Variants in MYO16 observed in about 807,000 individuals in gnomAD.
MYO16 encodes unconventional myosin-XVI.
A neutral mutation model predicts 205.3 loss-of-function variants in MYO16; 94 were observed. That is an observed-to-expected ratio of 0.46 (90% CI 0.39 to 0.54). The LOEUF (loss-of-function observed/expected upper bound fraction) is 0.54. MYO16 is among the 20% of genes least tolerant of loss of function. The pLI is 0.00. For missense variants in MYO16, 2,315 were observed against 2,387.5 expected (o/e 0.97, Z 0.63); for synonymous variants, 988 against 954.0 (o/e 1.04, Z -0.66).
chr13:108,889,479 G>A (rs570776195), intron 14 of MYO16, among the ~76,000 whole-genome samples: 2 of 152,294 alleles, frequency 1.3e-5, no homozygotes, highest in Admixed American at 6.5e-5. Context: ...TAAAAGGTTT[G>A]TTCAGACCAT....
At chr13:108,987,544 G>A (rs74121929) in intron 20 of MYO16, among the ~76,000 whole-genome samples, 17,692 of 152,260 alleles carry the variant, frequency 0.12, 1,112 homozygotes, top group East Asian at 0.2. Flanking sequence ...GTTGGTGAAT[G>A]CCATAGCATA....
At chr13:108,977,164 C>A (rs1884293053) in intron 20 of MYO16, among the ~76,000 whole-genome samples, 1 of 152,108 alleles carries the variant, frequency 6.6e-6, no homozygotes, top group Non-Finnish European at 1.5e-5. Flanking sequence ...TTGCTAAGTT[C>A]ATATGGTTTT....
At chr13:108,927,951 C>T (rs1882084893) in intron 16 of MYO16, among the ~76,000 whole-genome samples, 1 of 152,230 alleles carries the variant, frequency 6.6e-6, no homozygotes, top group Non-Finnish European at 1.5e-5. Context: ...TCCACCAGTT[C>T]AGTAAAGGGG....
intron 27 of MYO16, among the ~76,000 whole-genome samples, chr13:109,086,018 A>AAT (rs905618645): frequency 1.0e-3 from 157 of 152,362 alleles, no homozygotes; most frequent in African/African-American, 3.8e-3. Flanking sequence ...GACTAGAGAA[A>AAT]ATATGTTAAA....
rs536027284 is a variant in MYO16, at chr13:108,693,283, G to A, written c.293-19378G>A. On this transcript the variant is annotated intron_variant, in intron 2 of 34. Transcript: ENST00000457511. The stretch of plus-strand genomic sequence containing the variant: ...ACCATTTTGAAGTGTATAATTCAGT[G>A]GCATTACTACATGGAGAATGTTGTG... Among the ~76,000 whole-genome samples the A allele has an allele frequency of 9.9e-5, 15 of 152,190 alleles. No individual in the cohort carries two copies. In the South Asian group the frequency reaches 2.9e-3, roughly 29 times the overall value.
chr13:109,194,408 C>A (rs1362224451), intron 34 of MYO16, among the ~76,000 whole-genome samples: 3 of 152,126 alleles, frequency 2.0e-5, no homozygotes, highest in Non-Finnish European at 2.9e-5. Flanking sequence ...TGACTTTCTG[C>A]ATCTGTGAAA....
At chr13:109,171,837 T>C (rs1325239489) in intron 33 of MYO16, among the ~76,000 whole-genome samples, 1 of 152,210 alleles carries the variant, frequency 6.6e-6, no homozygotes, top group Non-Finnish European at 1.5e-5. Flanking sequence ...AAATTGCAAT[T>C]AAAGAATACA....
chr13:108,690,005 G>A (rs1377412041), intron 2 of MYO16, among the ~76,000 whole-genome samples: 1 of 152,106 alleles, frequency 6.6e-6, no homozygotes, highest in East Asian at 1.9e-4. Context: ...CTCATCTGAT[G>A]TCCCACTACT....
At chr13:108,612,779 T>C (rs1879222184) in intron 1 of MYO16, among the ~76,000 whole-genome samples, 1 of 152,114 alleles carries the variant, frequency 6.6e-6, no homozygotes, top group Non-Finnish European at 1.5e-5. Flanking sequence ...AGGTAACTCT[T>C]CAAGAGTGAT....
At chr13:108,690,318 C>T (rs1882842583) in intron 2 of MYO16, among the ~76,000 whole-genome samples, 1 of 49,074 alleles carries the variant, frequency 2.0e-5, no homozygotes, top group Non-Finnish European at 3.6e-5. Flanking sequence ...TTTTCTTTTG[C>T]ACGTTATTTC....
At chr13:108,733,514 C>G (rs915427774) in intron 4 of MYO16, among the ~76,000 whole-genome samples, 1 of 152,222 alleles carries the variant, frequency 6.6e-6, no homozygotes, top group Non-Finnish European at 1.5e-5. Context: ...CCACTCTGAT[C>G]TGGTGCTATA....
chr13:108,859,907 C>G (rs1878371792), intron 11 of MYO16, among the ~76,000 whole-genome samples: 1 of 152,072 alleles, frequency 6.6e-6, no homozygotes, highest in South Asian at 2.1e-4. Context: ...AAAAGCAAAC[C>G]AGAGCAATAA....
the MYO16 span, among the ~76,000 whole-genome samples, chr13:108,589,735 C>A: frequency 6.6e-6 from 1 of 152,096 alleles, no homozygotes; most frequent in African/African-American, 2.4e-5. Flanking sequence ...GTAGTGGCAT[C>A]AATCTATTTG....
At chr13:109,114,732 AT>A (rs2139746171) in intron 28 of MYO16, among the ~76,000 whole-genome samples, 1 of 152,314 alleles carries the variant, frequency 6.6e-6, no homozygotes, top group East Asian at 1.9e-4. Context: ...TGTTGTTTTA[AT>A]TGACGTGTCC....
chr13:108,569,566 C>A, the MYO16 span, among the ~76,000 whole-genome samples: 3 of 151,980 alleles, frequency 2.0e-5, no homozygotes, highest in Non-Finnish European at 4.4e-5. Context: ...CTAGGATTTT[C>A]TATGTACAAG....
chr13:108,525,012 A>C, the MYO16 span, among the ~76,000 whole-genome samples: 1 of 152,206 alleles, frequency 6.6e-6, no homozygotes, highest in Non-Finnish European at 1.5e-5. Flanking sequence ...AAAAAATCAA[A>C]CTTGTAAAAT....
At chr13:108,866,695 T>C (rs1216657934) in intron 12 of MYO16, among the ~76,000 whole-genome samples, 1 of 152,136 alleles carries the variant, frequency 6.6e-6, no homozygotes, top group Non-Finnish European at 1.5e-5. Context: ...CCCTAAAAAT[T>C]AAAAGAGAAA....
chr13:108,674,370 T>A (rs1882114960), intron 2 of MYO16, among the ~76,000 whole-genome samples: 1 of 152,200 alleles, frequency 6.6e-6, no homozygotes, highest in Non-Finnish European at 1.5e-5. Context: ...TCTCCTAGTA[T>A]CTAGGGTATA....
the MYO16 span, among the ~76,000 whole-genome samples, chr13:108,562,155 C>T: frequency 1.3e-5 from 2 of 152,208 alleles, no homozygotes; most frequent in South Asian, 4.2e-4. Flanking sequence ...CCAGCATAGT[C>T]CATTTCTGGT....
Sources: gnomAD v4.1 joint callset for allele counts (sites outside exome capture counted in the v4.1 genomes callset) on GRCh38, gnomAD v4.1.1 for gene constraint, MANE v1.5 for transcripts, NCBI Gene and HGNC (gene_info 2026-07-23, HGNC 2026-07-21) for gene names.